The following SPTBN4 variants were observed in gnomAD, a reference collection of about 807,000 sequenced individuals.
SPTBN4 encodes the protein spectrin beta, non-erythrocytic 4.
A neutral mutation model predicts 277.8 loss-of-function variants in SPTBN4; 96 were observed. That is an observed-to-expected ratio of 0.35 (90% CI 0.29 to 0.41). The LOEUF (loss-of-function observed/expected upper bound fraction) is 0.41. Ranked by LOEUF, SPTBN4 falls within the 10% of genes least tolerant of loss-of-function variation. The probability of loss-of-function intolerance (pLI) is 1.00; values close to 1 mark genes in which losing one functional copy is unlikely to be tolerated. For missense variants in SPTBN4, 3,006 were observed against 3,595.7 expected (o/e 0.84, Z 4.19); for synonymous variants, 1,481 against 1,580.3 (o/e 0.94, Z 1.49).
intron 15 of SPTBN4, among the ~76,000 whole-genome samples, chr19:40,517,668 C>T (rs926994322): frequency 1.3e-5 from 2 of 152,146 alleles, no homozygotes; most frequent in African/African-American, 2.4e-5. Context: ...TAGCCAAGAC[C>T]ATCGCAAAGC....
At chr19:40,508,445 G>A (rs1209015019) in intron 13 of SPTBN4, among the ~76,000 whole-genome samples, 4 of 152,168 alleles carry the variant, frequency 2.6e-5, no homozygotes, top group Non-Finnish European at 5.9e-5. Flanking sequence ...CCAGCACTTT[G>A]AGAGGCCAAG....
At chr19:40,488,050 C>G (rs945036746) in intron 3 of SPTBN4, among the ~76,000 whole-genome samples, 21 of 152,010 alleles carry the variant, frequency 1.4e-4, no homozygotes, top group Non-Finnish European at 2.8e-4. Flanking sequence ...TCGTGAGAAG[C>G]CTGGGCGCGT....
intron 6 of SPTBN4, among the ~76,000 whole-genome samples, chr19:40,496,061 G>T (rs998547412): frequency 2.0e-5 from 3 of 152,142 alleles, no homozygotes; most frequent in Non-Finnish European, 2.9e-5. Flanking sequence ...CTATGCACAG[G>T]CACTGTTCTA....
At chr19:40,480,036 G>A (rs753932585) in intron 2 of SPTBN4, among the ~76,000 whole-genome samples, 5 of 152,054 alleles carry the variant, frequency 3.3e-5, no homozygotes, top group Non-Finnish European at 5.9e-5. Flanking sequence ...TGGATCACGA[G>A]GTCAGGAGAT....
In SPTBN4 at chr19:40,515,963, G is replaced by A. The variant is rs866519248; in HGVS notation, c.2903+515G>A. ...TATACGTATATATACACATATATACGTATATATACACATATATACGTATAT... is the reference window on the plus strand; with the variant it reads ...TATACGTATATATACACATATATACATATATATACACATATATACGTATAT... On this transcript the variant is annotated intron_variant, in intron 15 of 35. Coordinates refer to ENST00000598249, the MANE Select transcript of SPTBN4 (RefSeq NM_020971.3). The surrounding 1 kb of genome is among the most constrained non-coding windows in gnomAD (Gnocchi z 4.1). Among the ~76,000 whole-genome samples, 15 of 134,340 alleles carry A rather than the reference G, an allele frequency of 1.1e-4. No individual in the cohort carries two copies. The highest frequency in any genetic ancestry group is 2.4e-4 in the South Asian group (1 of 4,176). 88.1% of individuals were successfully genotyped at this position (134,340 alleles called of 152,430 possible). A position where few individuals can be genotyped will look rare whatever the true frequency, so the allele number is the denominator to read the frequency against.
intron 4 of SPTBN4, among the ~76,000 whole-genome samples, chr19:40,491,820 C>T (rs371518550): frequency 6.1e-5 from 9 of 147,642 alleles, no homozygotes; most frequent in Admixed American, 1.4e-4. Context: ...GTCAGGAGTT[C>T]GAGACAAGCC....
At position 40,560,234 on chromosome 19, in the gene SPTBN4, C is replaced by T. The variant is rs373577072; in HGVS notation, c.5746C>T (p.Arg1916Trp). 8.1e-5 allele frequency: 130 copies of T among 1,611,728 alleles called. No individual in the cohort carries two copies. The highest frequency in any genetic ancestry group is 1.1e-4 in the Non-Finnish European group (126 of 1,179,954). The change falls in exon 27 of 36, where the codon CGG becomes TGG. Residue 1916 changes from arginine (R) to tryptophan (W), a missense_variant. Physicochemically the swap from Arg to Trp is moderately radical, Grantham distance 101 (BLOSUM62 -3). Coordinates refer to ENST00000598249, the MANE Select transcript of SPTBN4 (RefSeq NM_020971.3). This position sits in a 1 kb window ranked among gnomAD's most constrained non-coding sequence, Gnocchi z 5.2. The part of the protein sequence containing the change: ...AGEHAEAIAS[R>W]EQEVLQGWKE... ...TGAACATGCCGAGGCCATCGCTAGC[C>T]GGGAGCAGGAGGTGCTGCAGGGTTG...
chr19:40,549,517 C>T, intron 21 of SPTBN4, 104 bp downstream of exon 21: 1 of 909,422 alleles, frequency 1.1e-6, no homozygotes, highest in Non-Finnish European at 1.6e-6. Flanking sequence ...GACCCTCCCA[C>T]TCATACGCTG....
chr19:40,546,535 C>T (rs1253413053), intron 20 of SPTBN4, among the ~76,000 whole-genome samples: 3 of 152,120 alleles, frequency 2.0e-5, no homozygotes, highest in East Asian at 1.9e-4. Context: ...ATTCTGGAAG[C>T]AAGGGACCAA....
intron 20 of SPTBN4, among the ~76,000 whole-genome samples, chr19:40,535,835 G>A (rs1002142757): frequency 2.0e-5 from 3 of 152,020 alleles, no homozygotes; most frequent in Non-Finnish European, 4.4e-5. Flanking sequence ...TACTCAGGAG[G>A]CTGTAATCCC....
Position 40,467,159 on chromosome 19 carries a change from T to TGCGGATCTGGCTGAGCC in SPTBN4, c.-157_-141dup, listed in dbSNP as rs1295731670. 5 of 147,738 alleles carry TGCGGATCTGGCTGAGCC rather than the reference T, an allele frequency of 3.4e-5. No homozygotes were observed. Among genetic ancestry groups the TGCGGATCTGGCTGAGCC allele is most frequent in the African/African-American group, 1.2e-4 (5 of 40,390 alleles). The allele number at this position is 147,738 out of a possible 1,614,324, so 9.2% of individuals were successfully genotyped here. ...CGAGAGAGGGAGGCGCGGCGGCGCA[T>TGCGGATCTGGCTGAGCC]GCGGATCTGGCTGAGCCGCGGGCCG... On this transcript the variant is annotated 5_prime_UTR_variant, in exon 1 of 36. The change creates a premature stop within an existing upstream ORF in the 5' untranslated region. Coordinates refer to ENST00000598249, the MANE Select transcript of SPTBN4 (RefSeq NM_020971.3).
rs1326984568 is a variant in SPTBN4 at position 40,570,520 on chromosome 19, C to G, written c.7111C>G (p.Arg2371Gly). Residue 2371 changes from arginine to glycine, a missense_variant, in exon 33 of 36, where the codon CGG becomes GGG. By Grantham distance (125) the Arg-to-Gly change is moderately radical. Transcript: ENST00000598249. ...GCCCGAGCGGACACCTCGGCCGGAC[C>G]GGCCCCGGGCGCGGGACCGGCCCAA... is the stretch of plus-strand genomic sequence containing the variant. ...ELPERTPRPD[R>G]PRARDRPKPR... 2.0e-6 allele frequency: 3 copies of G among 1,473,184 alleles called. No individual in the cohort carries two copies. Among genetic ancestry groups the G allele is most frequent in the Non-Finnish European group, 2.7e-6 (3 of 1,117,888 alleles). 91.3% of individuals were successfully genotyped at this position (1,473,184 alleles called of 1,614,324 possible).
Position 40,531,464 on chromosome 19 carries a change from GTTTTTTTTTTTTTTTTTTTT to G in SPTBN4, c.3949-1145_3949-1126del, listed in dbSNP as rs71173645. Among the ~76,000 whole-genome samples, 8 of 40,906 alleles carry G rather than the reference GTTTTTTTTTTTTTTTTTTTT, an allele frequency of 2.0e-4. 1 individual carries two copies. The highest frequency in any genetic ancestry group is 1.5e-3 in the Admixed American group (3 of 2,020). 26.8% of individuals were successfully genotyped at this position (40,906 alleles called of 152,430 possible). A position where few individuals can be genotyped will look rare whatever the true frequency, so the allele number is the denominator to read the frequency against. On this transcript the variant is annotated intron_variant, in intron 18 of 35. Transcript: ENST00000598249. Reference sequence around the variant, plus strand: ...ACCGCGGAGCTGGAGTCCAGTGTTTGTTTTTTTTTTTTTTTTTTTTTTTTTTTTTTTTTTTGCAGGAGGGA... The same window carrying G: ...ACCGCGGAGCTGGAGTCCAGTGTTTGTTTTTTTTTTTTTTTGCAGGAGGGA...
At chr19:40,481,084 A>G (rs1288088444) in intron 2 of SPTBN4, among the ~76,000 whole-genome samples, 1 of 152,128 alleles carries the variant, frequency 6.6e-6, no homozygotes, top group African/African-American at 2.4e-5. Context: ...AATACATAAA[A>G]TAAATGGTGG....
chr19:40,525,592 G>T (rs1334264421), intron 17 of SPTBN4, among the ~76,000 whole-genome samples: 3 of 152,126 alleles, frequency 2.0e-5, no homozygotes, highest in Admixed American at 6.6e-5. Flanking sequence ...TTACTTTTCA[G>T]TCATTCATTA....
chr19:40,526,858 G>A (rs1160319492), intron 17 of SPTBN4, among the ~76,000 whole-genome samples: 2 of 152,130 alleles, frequency 1.3e-5, no homozygotes, highest in Non-Finnish European at 2.9e-5. Context: ...CAAAGTGCTC[G>A]GATTACAGGC....
chr19:40,521,694 C>G (rs2080528855), intron 16 of SPTBN4, among the ~76,000 whole-genome samples: 2 of 152,196 alleles, frequency 1.3e-5, no homozygotes, highest in African/African-American at 2.4e-5. Flanking sequence ...ACTAGTACCC[C>G]TCTGTGGCCC....
chr19:40,513,167 AC>A lies in SPTBN4; in HGVS notation c.2380del (p.Arg794AlafsTer36). 1 of 1,500,866 alleles carries A rather than the reference AC, an allele frequency of 6.7e-7. No homozygotes were observed. The highest frequency in any genetic ancestry group is 8.8e-7 in the Non-Finnish European group (1 of 1,133,518). 93.0% of individuals were successfully genotyped at this position (1,500,866 alleles called of 1,614,324 possible). A position where few individuals can be genotyped will look rare whatever the true frequency, so the allele number is the denominator to read the frequency against. On this transcript the variant is annotated frameshift_variant, in exon 14 of 36. Transcript: ENST00000598249. LOFTEE classifies it high-confidence loss of function. The part of the protein sequence containing the change: ...DGLLDWLRDA[Y>X]RLAAAGDFGH... ...CTGCTGGACTGGCTTCGCGACGCTTACCGCCTGGCAGCCGCCGGTGACTTCG... is the reference window on the plus strand; with the variant it reads ...CTGCTGGACTGGCTTCGCGACGCTTACGCCTGGCAGCCGCCGGTGACTTCG...
intron 2 of SPTBN4, among the ~76,000 whole-genome samples, chr19:40,486,201 G>T (rs1206736697): frequency 6.6e-6 from 1 of 151,890 alleles, no homozygotes; most frequent in Admixed American, 6.6e-5. Flanking sequence ...TGCGATGGGA[G>T]GATCACCTGA....
Sources: allele counts gnomAD v4.1 joint callset (sites outside exome capture counted in the v4.1 genomes callset), GRCh38; gene constraint gnomAD v4.1.1; non-coding constraint Gnocchi (gnomAD v3.1); transcripts MANE v1.5; gene names NCBI Gene and HGNC (gene_info 2026-07-23, HGNC 2026-07-21).